TBC1D19: variants seen among roughly 807,000 people sequenced by gnomAD.
TBC1D19 encodes the protein TBC1 domain family, member 19.
TBC1D19 carries 60 observed loss-of-function variants against 89.0 expected under a neutral mutation model. That is an observed-to-expected ratio of 0.67 (90% confidence interval 0.55 to 0.84). The LOEUF (loss-of-function observed/expected upper bound fraction) is 0.84. TBC1D19 is among the 40% of genes least tolerant of loss of function. The pLI is 0.00. For missense variants in TBC1D19, 500 were observed against 610.8 expected (o/e 0.82, Z 1.91); for synonymous variants, 189 against 199.7 (o/e 0.95, Z 0.45).
chr4:26,601,553 T>A (rs1476875376), intron 1 of TBC1D19, among the ~76,000 whole-genome samples: 1 of 152,196 alleles, frequency 6.6e-6, no homozygotes, highest in Non-Finnish European at 1.5e-5. Context: ...GTTCCCAATG[T>A]AGGAACAGTA....
intron 1 of TBC1D19, among the ~76,000 whole-genome samples, chr4:26,612,510 A>T (rs1011648751): frequency 5.9e-5 from 9 of 152,004 alleles, no homozygotes; most frequent in African/African-American, 2.2e-4. Flanking sequence ...CCTTCTGAAG[A>T]GGTATGCTGC....
At chr4:26,590,702 T>C (rs1472170528) in intron 1 of TBC1D19, among the ~76,000 whole-genome samples, 1 of 151,890 alleles carries the variant, frequency 6.6e-6, no homozygotes, top group African/African-American at 2.4e-5. Context: ...TGCATTAGTG[T>C]GGTACATTTG....
the TBC1D19 span, among the ~76,000 whole-genome samples, chr4:26,816,169 C>A: frequency 4.1e-4 from 62 of 152,276 alleles, no homozygotes; most frequent in African/African-American, 1.4e-3. Flanking sequence ...TGGCTGTGTT[C>A]CAACAAAACT....
At chr4:26,851,304 CCTATCTAT>C in the TBC1D19 span, among the ~76,000 whole-genome samples, 12,941 of 146,634 alleles carry the variant, frequency 0.088, 654 homozygotes, top group South Asian at 0.11. Context: ...TAATAAATAC[CCTATCTAT>C]CTATCTATCT....
chr4:26,701,638 C>T (rs1654696651), intron 13 of TBC1D19, among the ~76,000 whole-genome samples: 1 of 151,860 alleles, frequency 6.6e-6, no homozygotes. Flanking sequence ...GATATTTTAC[C>T]ATCATTTTAT....
the TBC1D19 span, among the ~76,000 whole-genome samples, chr4:26,810,108 A>G: frequency 1.3e-5 from 2 of 152,050 alleles, no homozygotes; most frequent in Non-Finnish European, 2.9e-5. Flanking sequence ...CCTCCAAACA[A>G]TGGCTCCTCC....
chr4:26,634,014 G>A (rs1395845989), intron 4 of TBC1D19, among the ~76,000 whole-genome samples: 1 of 150,542 alleles, frequency 6.6e-6, no homozygotes, highest in Non-Finnish European at 1.5e-5. Context: ...TATGCCTTTA[G>A]TAACCCTGTA....
intron 1 of TBC1D19, among the ~76,000 whole-genome samples, chr4:26,604,865 CAG>C (rs1461863364): frequency 6.9e-6 from 1 of 144,654 alleles, no homozygotes; most frequent in East Asian, 2.1e-4. Flanking sequence ...GCCTGGGCGA[CAG>C]AGCGAGAATC....
intron 12 of TBC1D19, among the ~76,000 whole-genome samples, chr4:26,687,736 T>C (rs987706264): frequency 7.9e-5 from 12 of 152,070 alleles, no homozygotes; most frequent in African/African-American, 2.9e-4. Flanking sequence ...GTGGCTAAAG[T>C]GTCATAGGGA....
chr4:26,627,201 C>T (rs1363793284), intron 4 of TBC1D19, among the ~76,000 whole-genome samples: 2 of 151,426 alleles, frequency 1.3e-5, no homozygotes, highest in African/African-American at 4.8e-5. Context: ...CATCCATGTC[C>T]CTACAAAGGA....
chr4:26,645,328 C>T (rs567836736), intron 7 of TBC1D19, among the ~76,000 whole-genome samples: 2 of 152,280 alleles, frequency 1.3e-5, no homozygotes, highest in Admixed American at 1.3e-4. Flanking sequence ...TGGAACAGAA[C>T]AGCAGCCTCA....
chr4:26,615,998 T>C (rs1741666422), intron 3 of TBC1D19, among the ~76,000 whole-genome samples: 1 of 152,180 alleles, frequency 6.6e-6, no homozygotes, highest in South Asian at 2.1e-4. Context: ...CATTATCATA[T>C]TGTTGGCATT....
At chr4:26,722,664 G>A (rs141740045) in intron 15 of TBC1D19, among the ~76,000 whole-genome samples, 49 of 152,198 alleles carry the variant, frequency 3.2e-4, no homozygotes, top group African/African-American at 1.0e-3. Flanking sequence ...TCTTTATAAT[G>A]AGCTCAAGAC....
intron 13 of TBC1D19, among the ~76,000 whole-genome samples, chr4:26,714,141 T>C (rs1716396602): frequency 6.6e-6 from 1 of 151,698 alleles, no homozygotes; most frequent in Admixed American, 6.6e-5. Flanking sequence ...AGCTCAAGAG[T>C]TCAAGACCAG....
intron 14 of TBC1D19, among the ~76,000 whole-genome samples, chr4:26,719,547 T>G (rs927863489): frequency 1.3e-5 from 2 of 152,080 alleles, no homozygotes; most frequent in Non-Finnish European, 2.9e-5. Context: ...TCTTAAATAT[T>G]TGACTATTGT....
intron 13 of TBC1D19, among the ~76,000 whole-genome samples, chr4:26,704,706 T>C (rs1715597052): frequency 1.3e-5 from 2 of 152,044 alleles, no homozygotes; most frequent in Non-Finnish European, 2.9e-5. Context: ...CCAATAGAAA[T>C]ATATATAAAT....
At chr4:26,797,061 G>T in the TBC1D19 span, among the ~76,000 whole-genome samples, 1 of 151,990 alleles carries the variant, frequency 6.6e-6, no homozygotes, top group South Asian at 2.1e-4. Context: ...GAAATAAAAG[G>T]CATCCAAATT....
intron 18 of TBC1D19, among the ~76,000 whole-genome samples, chr4:26,746,507 T>A (rs1707950536): frequency 6.6e-6 from 1 of 152,106 alleles, no homozygotes. Context: ...TTTTGTGTGG[T>A]TTTTCGGTTA....
chr4:26,675,552 T>C (rs1325476269), intron 11 of TBC1D19, among the ~76,000 whole-genome samples: 1 of 152,118 alleles, frequency 6.6e-6, no homozygotes, highest in East Asian at 1.9e-4. Context: ...GCATCTTTTA[T>C]CATTTACAGT....
Sources: gnomAD v4.1 joint callset for allele counts (sites outside exome capture counted in the v4.1 genomes callset) on GRCh38, gnomAD v4.1.1 for gene constraint, MANE v1.5 for transcripts, NCBI Gene and HGNC (gene_info 2026-07-23, HGNC 2026-07-21) for gene names.